Variants in ANKRD10 observed in about 807,000 individuals in gnomAD.
ANKRD10 encodes the protein ankyrin repeat domain-containing protein 10.
In ANKRD10, 14 loss-of-function variants were observed where a neutral mutation model predicts 27.0. The ratio of observed to expected loss-of-function variants is 0.52; its 90% CI spans 0.34 to 0.81. The LOEUF (loss-of-function observed/expected upper bound fraction) is 0.81. Among genes scored for constraint, ANKRD10 ranks in the 40% least tolerant of loss-of-function variants. The pLI, the probability that ANKRD10 is intolerant of heterozygous loss-of-function variation, is 0.01. For synonymous variants in ANKRD10, 250 were observed against 224.5 expected, an observed-to-expected ratio of 1.11 and a Z score of -1.01; for missense variants, 493 against 544.0, an observed-to-expected ratio of 0.91 and a Z score of 0.93.
At chr13:110,893,755 G>A (rs2065145925) in intron 3 of ANKRD10, among the ~76,000 whole-genome samples, 1 of 152,258 alleles carries the variant, frequency 6.6e-6, no homozygotes, top group African/African-American at 2.4e-5. Flanking sequence ...GTAAGTGGAA[G>A]TTTAGAAGGA....
chr13:110,896,232 G>A (rs193286697), intron 3 of ANKRD10, among the ~76,000 whole-genome samples: 1 of 152,324 alleles, frequency 6.6e-6, no homozygotes, highest in East Asian at 1.9e-4. Context: ...CTACATTTAA[G>A]TGGCACTATC....
chr13:110,892,673 A>C, intron 4 of ANKRD10: 1 of 767,704 alleles, frequency 1.3e-6, no homozygotes, highest in Non-Finnish European at 1.5e-6. Flanking sequence ...ACAAGAAGCA[A>C]ATTAAAAAAA....
At chr13:110,888,607 C>T (rs1000735776) in intron 4 of ANKRD10, among the ~76,000 whole-genome samples, 1 of 152,156 alleles carries the variant, frequency 6.6e-6, no homozygotes, top group African/African-American at 2.4e-5. Context: ...AAGCAATAAA[C>T]ATCTATCATT....
intron 4 of ANKRD10, among the ~76,000 whole-genome samples, chr13:110,884,287 C>T (rs1407071905): frequency 6.6e-6 from 1 of 152,170 alleles, no homozygotes; most frequent in Non-Finnish European, 1.5e-5. Context: ...GGCATTTGAT[C>T]TGAGCACCAA....
intron 3 of ANKRD10, among the ~76,000 whole-genome samples, chr13:110,905,710 C>G (rs1474500204): frequency 6.6e-6 from 1 of 152,202 alleles, no homozygotes; most frequent in African/African-American, 2.4e-5. Context: ...TTAAAGACCA[C>G]AGTGACACAA....
At chr13:110,897,880 G>C (rs1346409974) in intron 3 of ANKRD10, among the ~76,000 whole-genome samples, 1 of 152,186 alleles carries the variant, frequency 6.6e-6, no homozygotes, top group East Asian at 1.9e-4. Flanking sequence ...TTTGGTAACT[G>C]TCATTCTAAC....
At chr13:110,890,009 T>C (rs1049869988) in intron 4 of ANKRD10, among the ~76,000 whole-genome samples, 4 of 152,192 alleles carry the variant, frequency 2.6e-5, no homozygotes, top group African/African-American at 9.7e-5. Flanking sequence ...TTACTCAAAG[T>C]ATTTTATATA....
Position 110,914,752 on chromosome 13 carries a change from G to A in ANKRD10, c.183C>T (p.Pro61=), listed in dbSNP as rs1015417291. 5 of 1,595,030 alleles carry A rather than the reference G, an allele frequency of 3.1e-6. No individual in the cohort carries two copies. The highest frequency in any genetic ancestry group is 4.3e-6 in the Non-Finnish European group (5 of 1,171,686). Residue 61 remains proline (P), a synonymous_variant, in exon 1 of 6, where the codon CCC becomes CCT. Transcript: ENST00000267339. ...TGCCGAAATGCGCGGCCCAGTGCAC[G>A]GGCGTCCAGCCATAGAAGGAGTCCT... ...ASEDSFYGWT[P]VHWAAHFGKL... is the part of the protein sequence containing the mutation.
At chr13:110,906,643 T>TA (rs2065545985) in intron 2 of ANKRD10, among the ~76,000 whole-genome samples, 1 of 152,148 alleles carries the variant, frequency 6.6e-6, no homozygotes, top group South Asian at 2.1e-4. Context: ...GACCACAACT[T>TA]AGACAAGATG....
At chr13:110,909,926 T>G (rs1051568876) in intron 2 of ANKRD10, among the ~76,000 whole-genome samples, 17 of 152,194 alleles carry the variant, frequency 1.1e-4, no homozygotes, top group Admixed American at 2.6e-4. Context: ...AATTATCAAT[T>G]AGTCTAAGGA....
chr13:110,894,051 A>G, intron 3 of ANKRD10: 1 of 1,219,270 alleles, frequency 8.2e-7, no homozygotes, highest in Non-Finnish European at 1.2e-6. Flanking sequence ...TCAAGTAGGA[A>G]GTGATGGCAG....
chr13:110,885,572 AAAAAG>A (rs1401796310), intron 4 of ANKRD10, among the ~76,000 whole-genome samples: 1 of 152,042 alleles, frequency 6.6e-6, no homozygotes, highest in Non-Finnish European at 1.5e-5. Flanking sequence ...AGAAAGAAAG[AAAAAG>A]AAAAAAGAAT....
chr13:110,887,884 T>TGG (rs1185722238), intron 4 of ANKRD10, among the ~76,000 whole-genome samples: 2 of 152,140 alleles, frequency 1.3e-5, no homozygotes, highest in African/African-American at 4.8e-5. Context: ...CTGCTTCCAC[T>TGG]GGGGAAGCCT....
At chr13:110,896,968 C>A (rs9559902) in intron 3 of ANKRD10, among the ~76,000 whole-genome samples, 2 of 144,354 alleles carry the variant, frequency 1.4e-5, no homozygotes, top group Admixed American at 6.9e-5. Context: ...TTGTAAATTC[C>A]AATACAATGT....
intron 4 of ANKRD10, among the ~76,000 whole-genome samples, chr13:110,891,715 T>C (rs892646619): frequency 2.0e-5 from 3 of 152,160 alleles, no homozygotes; most frequent in African/African-American, 7.2e-5. Context: ...TGCTGTAACT[T>C]GCACGGTTGA....
chr13:110,893,795 C>T (rs985437103), intron 3 of ANKRD10, among the ~76,000 whole-genome samples: 5 of 152,236 alleles, frequency 3.3e-5, no homozygotes, highest in Admixed American at 2.6e-4. Flanking sequence ...AGCCTATCAT[C>T]AGATTCCAGA....
intron 3 of ANKRD10, among the ~76,000 whole-genome samples, chr13:110,901,217 T>C (rs971760436): frequency 7.2e-5 from 11 of 152,222 alleles, no homozygotes; most frequent in African/African-American, 2.4e-4. Context: ...TTTTAACCCT[T>C]TGGTATCCAA....
intron 3 of ANKRD10, among the ~76,000 whole-genome samples, chr13:110,896,986 TTA>T (rs2065242357): frequency 1.2e-5 from 1 of 81,544 alleles, no homozygotes; most frequent in Non-Finnish European, 2.3e-5. Context: ...TGTATAGGGA[TTA>T]AAAAAAACCA....
chr13:110,913,224 A>G (rs527905900), intron 1 of ANKRD10, among the ~76,000 whole-genome samples: 1 of 152,340 alleles, frequency 6.6e-6, no homozygotes, highest in South Asian at 2.1e-4. Flanking sequence ...TGTCGTTCTC[A>G]ACCAGGGTAG....
Sources: allele counts gnomAD v4.1 joint callset (sites outside exome capture counted in the v4.1 genomes callset), GRCh38; gene constraint gnomAD v4.1.1; transcripts MANE v1.5; gene names NCBI Gene and HGNC (gene_info 2026-07-23, HGNC 2026-07-21).